Variants in ADCY3 observed in about 807,000 individuals in gnomAD.
The protein encoded by ADCY3 is adenylate cyclase type 3.
In ADCY3, 70 loss-of-function variants were observed where a neutral mutation model predicts 119.4. That is an observed-to-expected ratio of 0.59 (90% CI 0.48 to 0.72). The LOEUF (loss-of-function observed/expected upper bound fraction) is 0.72. ADCY3 is among the 30% of genes least tolerant of loss of function. The pLI is 0.00. For synonymous variants in ADCY3, 672 were observed against 621.4 expected (o/e 1.08, Z -1.21); for missense variants, 1,238 against 1,541.6 (o/e 0.80, Z 3.30).
chr2:24,820,751 C>T lies in ADCY3; in HGVS notation c.3225G>A (p.Glu1075=). Reference sequence around the variant, plus strand: ...GAATGTTGCCCATGACCCCCGTGGACTCCATCCTGCTGGCTACATTGACTG... The same window carrying T: ...GAATGTTGCCCATGACCCCCGTGGATTCCATCCTGCTGGCTACATTGACTG... ...GNTVNVASRM[E]STGVMGNIQV... Residue 1075 remains glutamate, a synonymous_variant, in exon 21 of 22, where the codon GAG becomes GAA. Coordinates refer to ENST00000679454, the MANE Select transcript of ADCY3 (RefSeq NM_004036.5). 2 of 1,614,124 alleles carry T rather than the reference C, an allele frequency of 1.2e-6. No homozygotes were observed. Among genetic ancestry groups the T allele is most frequent in the African/African-American group, 1.3e-5 (1 of 75,030 alleles).
Position 24,872,490 on chromosome 2 carries a change from C to T in ADCY3, c.825+80G>A. On this transcript the variant is annotated intron_variant, in intron 3 of 21. Coordinates refer to ENST00000679454, the MANE Select transcript of ADCY3 (RefSeq NM_004036.5). This position sits in a 1 kb window ranked among gnomAD's most constrained non-coding sequence, Gnocchi z 4.4. Reference sequence around the variant, plus strand: ...CCAAGCCCCACGGAGCCAGGGGCTGCCGCTCTGGTTCCTCTCCCTCTGACA... The same window carrying T: ...CCAAGCCCCACGGAGCCAGGGGCTGTCGCTCTGGTTCCTCTCCCTCTGACA... 6.6e-7 allele frequency: 1 copy of T among 1,524,576 alleles called. No individual in the cohort carries two copies. Among genetic ancestry groups the T allele is most frequent in the East Asian group, 2.3e-5 (1 of 44,036 alleles). The allele number at this position is 1,524,576 out of a possible 1,614,324, so 94.4% of individuals were successfully genotyped here. A position where few individuals can be genotyped will look rare whatever the true frequency, so the allele number is the denominator to read the frequency against.
intron 21 of ADCY3, 89 bp downstream of exon 21, chr2:24,820,635 G>C: frequency 6.3e-7 from 1 of 1,575,812 alleles, no homozygotes; most frequent in South Asian, 1.2e-5. Flanking sequence ...CAGGGCCAGG[G>C]TGGGAGGCAG....
In ADCY3 at chr2:24,830,695, C is replaced by G; in HGVS notation, c.2172+14G>C. Reference sequence around the variant, plus strand: ...AACAGGGGCGTCCCTTCAACAAGGACAGCAGGAGCTCACCATGTCCACGAC... The same window carrying G: ...AACAGGGGCGTCCCTTCAACAAGGAGAGCAGGAGCTCACCATGTCCACGAC... On this transcript the variant is annotated intron_variant, in intron 13 of 21. Coordinates refer to ENST00000679454, the MANE Select transcript of ADCY3 (RefSeq NM_004036.5). 6.2e-7 allele frequency: 1 copy of G among 1,607,976 alleles called. No individual in the cohort carries two copies. The highest frequency in any genetic ancestry group is 8.5e-7 in the Non-Finnish European group (1 of 1,175,024).
At chr2:24,891,089 C>G (rs1017482781) in intron 2 of ADCY3, among the ~76,000 whole-genome samples, 21 of 152,174 alleles carry the variant, frequency 1.4e-4, no homozygotes, top group Admixed American at 1.1e-3. Flanking sequence ...AGGCTGGTCT[C>G]GAACTCCTGA....
chr2:24,829,787 T>C (rs1462736041), intron 13 of ADCY3, among the ~76,000 whole-genome samples: 2 of 151,440 alleles, frequency 1.3e-5, no homozygotes, highest in East Asian at 1.9e-4. Flanking sequence ...AGATAGTGTA[T>C]ATGGTACTAC....
At chr2:24,861,549 T>C (rs575334290) in intron 3 of ADCY3, among the ~76,000 whole-genome samples, 2 of 152,270 alleles carry the variant, frequency 1.3e-5, no homozygotes, top group African/African-American at 4.8e-5. Context: ...TTCCAAAGTG[T>C]TTTTCCATCT....
At chr2:24,840,068 G>A (rs1670816120) in intron 6 of ADCY3, 37 bp from the exon 7 acceptor site, 7 of 1,579,924 alleles carry the variant, frequency 4.4e-6, no homozygotes, top group African/African-American at 1.3e-5. Context: ...TCAGGGTGTG[G>A]CCTTCACGAG....
At chr2:24,825,334 C>CCGGGGG (rs1668430488) in intron 16 of ADCY3, among the ~76,000 whole-genome samples, 2 of 81,574 alleles carry the variant, frequency 2.5e-5, no homozygotes, top group African/African-American at 1.4e-4. Flanking sequence ...GTGGTTGTGG[C>CCGGGGG]GGGGGGGGGG....
intron 2 of ADCY3, among the ~76,000 whole-genome samples, chr2:24,887,398 C>T (rs1341265804): frequency 6.6e-6 from 1 of 152,158 alleles, no homozygotes; most frequent in Non-Finnish European, 1.5e-5. Context: ...TCTAGCCTTC[C>T]ACCTGCGAGC....
Position 24,830,810 on chromosome 2 carries a change from G to T in ADCY3, c.2071C>A (p.Leu691Ile), listed in dbSNP as rs201250613. 6.2e-6 allele frequency: 10 copies of T among 1,613,854 alleles called. No individual in the cohort carries two copies. The highest frequency in any genetic ancestry group is 8.5e-6 in the Non-Finnish European group (10 of 1,179,946). ...AIFPRAFPKK[L>I]VAFSTWIDRT... ...TCAATCCAAGTTGAGAAGGCCACAA[G>T]CTTCTTAGGAAAGGCCTAGAAGGAA... The change falls in exon 13 of 22, where the codon CTT becomes ATT. Residue 691 changes from leucine (L) to isoleucine (I), a missense_variant. Coordinates refer to ENST00000679454, the MANE Select transcript of ADCY3 (RefSeq NM_004036.5).
chr2:24,834,966 G>A lies in ADCY3; in HGVS notation c.1663-30C>T, dbSNP rs1279872103. 1 of 1,608,338 alleles carries A rather than the reference G, an allele frequency of 6.2e-7. No homozygotes were observed. Among genetic ancestry groups the A allele is most frequent in the African/African-American group, 1.3e-5 (1 of 74,898 alleles). On this transcript the variant is annotated intron_variant, in intron 9 of 21. Transcript: ENST00000679454. This position sits in a 1 kb window ranked among gnomAD's most constrained non-coding sequence, Gnocchi z 4.2. ...GAGCCAGGGAGGCAGCGTGAGTGGGGCAGATGGGACAGAGTGGTGGGGAAG... is the reference window on the plus strand; with the variant it reads ...GAGCCAGGGAGGCAGCGTGAGTGGGACAGATGGGACAGAGTGGTGGGGAAG...
chr2:24,910,226 C>A (rs908317540), intron 2 of ADCY3, among the ~76,000 whole-genome samples: 1 of 152,100 alleles, frequency 6.6e-6, no homozygotes, highest in Admixed American at 6.6e-5. Flanking sequence ...TTTTTTGAGA[C>A]CGGTCTTGCT....
intron 6 of ADCY3, 60 bp from the exon 7 acceptor site, chr2:24,840,091 C>T (rs1368054703): frequency 1.3e-6 from 2 of 1,557,194 alleles, no homozygotes; most frequent in Non-Finnish European, 1.7e-6. Context: ...AGCCAGCTGC[C>T]CCTGCTCCTG....
At chr2:24,844,454 C>G (rs1303598457) in intron 3 of ADCY3, among the ~76,000 whole-genome samples, 1 of 152,100 alleles carries the variant, frequency 6.6e-6, no homozygotes, top group Admixed American at 6.5e-5. Context: ...GGCAGGGGGG[C>G]ACCATGCAAG....
chr2:24,869,168 G>GA (rs1438011404), intron 3 of ADCY3, among the ~76,000 whole-genome samples: 2 of 151,570 alleles, frequency 1.3e-5, no homozygotes, highest in African/African-American at 2.4e-5. Flanking sequence ...CTTCAGTAAT[G>GA]AAAAAAAGGA....
chr2:24,903,307 T>C (rs891625766), intron 2 of ADCY3, among the ~76,000 whole-genome samples: 4 of 152,338 alleles, frequency 2.6e-5, no homozygotes, highest in Middle Eastern at 3.4e-3. Context: ...CCCTTTTTCA[T>C]GTACAGTACA....
Position 24,878,900 on chromosome 2 carries a change from G to A in ADCY3, c.676-6181C>T, listed in dbSNP as rs1676038719. On this transcript the variant is annotated intron_variant, in intron 2 of 21. Coordinates refer to ENST00000679454, the MANE Select transcript of ADCY3 (RefSeq NM_004036.5). This position sits in a 1 kb window ranked among gnomAD's most constrained non-coding sequence, Gnocchi z 4.0. ...GCCCAGCACAGAATGTTCTGCACTT[G>A]CCCTTCTCTGTCCTCACTCCTTCGC... Among the ~76,000 whole-genome samples, 2 of 152,184 alleles carry A rather than the reference G, an allele frequency of 1.3e-5. No homozygotes were observed. The highest frequency in any genetic ancestry group is 2.4e-5 in the African/African-American group (1 of 41,432).
rs1201387570 is a variant in ADCY3 at position 24,884,471 on chromosome 2, C to CTTTTTTT, written c.676-11759_676-11753dup. ...TTTATTGTCTTTATTTTCTAATAAT[C>CTTTTTTT]TTTTTTTTTTTTTTTTTTTTTTGAG... On this transcript the variant is annotated intron_variant, in intron 2 of 21. Coordinates refer to ENST00000679454, the MANE Select transcript of ADCY3 (RefSeq NM_004036.5). Among the ~76,000 whole-genome samples the CTTTTTTT allele has an allele frequency of 4.1e-4, 40 of 97,860 alleles. 1 individual carries two copies. Among genetic ancestry groups the CTTTTTTT allele is most frequent in the African/African-American group, 1.3e-3 (27 of 20,564 alleles). 64.2% of individuals were successfully genotyped at this position (97,860 alleles called of 152,430 possible). A position where few individuals can be genotyped will look rare whatever the true frequency, so the allele number is the denominator to read the frequency against.
intron 19 of ADCY3, 86 bp from the exon 20 acceptor site, chr2:24,821,726 G>T: frequency 3.2e-6 from 5 of 1,553,210 alleles, no homozygotes; most frequent in Non-Finnish European, 4.4e-6. Context: ...TGTTCTGGGG[G>T]TGGATTCCCT....
Sources: allele counts gnomAD v4.1 joint callset (sites outside exome capture counted in the v4.1 genomes callset), GRCh38; gene constraint gnomAD v4.1.1; non-coding constraint Gnocchi (gnomAD v3.1); transcripts MANE v1.5; gene names NCBI Gene and HGNC (gene_info 2026-07-23, HGNC 2026-07-21).